GRM7: variants seen among roughly 807,000 people sequenced by gnomAD.
GRM7 encodes glutamate metabotropic receptor 7, also known as metabotropic glutamate receptor 7.
A neutral mutation model predicts 84.5 loss-of-function variants in GRM7; 35 were observed. The observed-to-expected ratio is 0.41, with a 90% CI of 0.32 to 0.55. The LOEUF (loss-of-function observed/expected upper bound fraction) is 0.55. GRM7 is among the 20% of genes least tolerant of loss of function. The probability of loss-of-function intolerance (pLI) is 0.19; values close to 1 mark genes in which losing one functional copy is unlikely to be tolerated. For synonymous variants in GRM7, 487 were observed against 455.1 expected (o/e 1.07, Z -0.89); for missense variants, 1,003 against 1,194.6 (o/e 0.84, Z 2.36).
chr3:7,009,946 G>A (rs1044134572), intron 1 of GRM7, among the ~76,000 whole-genome samples: 1 of 152,162 alleles, frequency 6.6e-6, no homozygotes, highest in African/African-American at 2.4e-5. Context: ...AGTACATTTA[G>A]CAACTTTGAT....
At chr3:7,605,413 G>A (rs1696516069) in intron 8 of GRM7, among the ~76,000 whole-genome samples, 1 of 152,072 alleles carries the variant, frequency 6.6e-6, no homozygotes, top group Non-Finnish European at 1.5e-5. Context: ...TTGATAAAAT[G>A]TCTTTTAGAA....
chr3:7,676,447 TTTAATTAA>T (rs562305638), intron 8 of GRM7, among the ~76,000 whole-genome samples: 8 of 152,310 alleles, frequency 5.3e-5, no homozygotes, highest in African/African-American at 1.9e-4. Context: ...TATTCTTTGT[TTTAATTAA>T]TTAATTAATT....
At position 7,195,744 on chromosome 3, in the gene GRM7, G is replaced by A. The variant is rs972268004; in HGVS notation, c.736+49076G>A. Among the ~76,000 whole-genome samples the A allele has an allele frequency of 5.9e-5, 9 of 152,142 alleles. No homozygotes were observed. In the East Asian group the frequency reaches 1.4e-3, roughly 23 times the overall value. On this transcript the variant is annotated intron_variant, in intron 2 of 9. Transcript: ENST00000357716. ...TAGACTTTGGGGAGGCTGTGAATCC[G>A]GTAGTCCATTTTAGAAGTCCATACT... is the stretch of plus-strand genomic sequence containing the variant.
intron 4 of GRM7, among the ~76,000 whole-genome samples, chr3:7,373,100 G>A (rs911478620): frequency 6.6e-6 from 1 of 152,014 alleles, no homozygotes; most frequent in African/African-American, 2.4e-5. Flanking sequence ...TCTCTTTCAA[G>A]GACACTCAGT....
At position 7,082,063 on chromosome 3, in the gene GRM7, C is replaced by A. The variant is rs138624088; in HGVS notation, c.520-64389C>A. On this transcript the variant is annotated intron_variant, in intron 1 of 9. Transcript: ENST00000357716. ...AGCAGCAGCAATTTATCCAGAAAAC[C>A]TAAGATAATAAAGGAAGATGACGAC... 4.5e-3 allele frequency among the ~76,000 whole-genome samples: 687 copies of A among 152,156 alleles called. 7 individuals carry two copies. Among genetic ancestry groups the A allele is most frequent in the African/African-American group, 0.016 (658 of 41,542 alleles).
At chr3:7,422,444 G>A (rs565820902) in intron 5 of GRM7, among the ~76,000 whole-genome samples, 8 of 152,100 alleles carry the variant, frequency 5.3e-5, no homozygotes, top group Non-Finnish European at 8.8e-5. Flanking sequence ...AGCCACATGT[G>A]CCTAGTGGCA....
chr3:7,613,523 G>A (rs1231498747), intron 8 of GRM7, among the ~76,000 whole-genome samples: 2 of 152,184 alleles, frequency 1.3e-5, no homozygotes, highest in Admixed American at 1.3e-4. Flanking sequence ...GGGCAGGGAA[G>A]TGGAGAAGAA....
chr3:7,631,347 G>A (rs1042312423), intron 8 of GRM7, among the ~76,000 whole-genome samples: 2 of 146,142 alleles, frequency 1.4e-5, no homozygotes, highest in African/African-American at 2.6e-5. Flanking sequence ...TTCAGGAGCC[G>A]CACAGAAGGA....
intron 1 of GRM7, among the ~76,000 whole-genome samples, chr3:7,064,386 C>T (rs1697550062): frequency 6.7e-6 from 1 of 148,468 alleles, no homozygotes; most frequent in African/African-American, 2.5e-5. Context: ...TCTCCAATCG[C>T]ATCCAGGTCG....
At chr3:7,730,415 T>C (rs1702284140) in intron 9 of GRM7, among the ~76,000 whole-genome samples, 1 of 152,204 alleles carries the variant, frequency 6.6e-6, no homozygotes, top group Admixed American at 6.5e-5. Context: ...TACATCCCTA[T>C]TGCCTAAAAC....
chr3:7,315,568 C>A (rs1448897488), intron 4 of GRM7, among the ~76,000 whole-genome samples: 1 of 152,086 alleles, frequency 6.6e-6, no homozygotes. Context: ...CTTCAGGTAG[C>A]CCCCAGACAA....
intron 6 of GRM7, among the ~76,000 whole-genome samples, chr3:7,454,786 C>T (rs75788683): frequency 1.4e-3 from 215 of 152,066 alleles, no homozygotes; most frequent in Non-Finnish European, 2.5e-3. Flanking sequence ...TTTTAATATA[C>T]ATGCAATGGG....
At chr3:6,875,462 C>G (rs1378874793) in intron 1 of GRM7, among the ~76,000 whole-genome samples, 1 of 152,094 alleles carries the variant, frequency 6.6e-6, no homozygotes, top group Admixed American at 6.6e-5. Flanking sequence ...CGAGAGTTCC[C>G]CTGCACAAGC....
At chr3:7,211,588 A>G (rs1696428213) in intron 2 of GRM7, among the ~76,000 whole-genome samples, 2 of 150,036 alleles carry the variant, frequency 1.3e-5, no homozygotes, top group African/African-American at 5.0e-5. Flanking sequence ...TGAATTTTAT[A>G]TAAACCTATT....
intron 8 of GRM7, among the ~76,000 whole-genome samples, chr3:7,652,992 C>A (rs1295324737): frequency 6.6e-6 from 1 of 152,006 alleles, no homozygotes; most frequent in Non-Finnish European, 1.5e-5. Context: ...TAGGGTCTCT[C>A]TGGAATGTCC....
chr3:7,166,335 A>G (rs1694798225), intron 2 of GRM7, among the ~76,000 whole-genome samples: 1 of 152,190 alleles, frequency 6.6e-6, no homozygotes, highest in South Asian at 2.1e-4. Context: ...TTATATACCA[A>G]ATTTAGCCAA....
At chr3:7,065,734 G>T (rs891401094) in intron 1 of GRM7, among the ~76,000 whole-genome samples, 1 of 151,664 alleles carries the variant, frequency 6.6e-6, no homozygotes, top group African/African-American at 2.4e-5. Context: ...AAGAATGATG[G>T]TGGTCTTCAG....
In GRM7 at chr3:7,544,453, G is replaced by C. The variant is rs571935083; in HGVS notation, c.1516-33969G>C. Reference sequence around the variant, plus strand: ...TTATAAATTAGGAGGAGGTAAAGTAGCACCCAACCTGCAGGGCCCTGGGTT... The same window carrying C: ...TTATAAATTAGGAGGAGGTAAAGTACCACCCAACCTGCAGGGCCCTGGGTT... On this transcript the variant is annotated intron_variant, in intron 7 of 9. Transcript: ENST00000357716. 5.9e-5 allele frequency among the ~76,000 whole-genome samples: 9 copies of C among 152,130 alleles called. 1 individual carries two copies. The highest frequency in any genetic ancestry group is 1.2e-4 in the Non-Finnish European group (8 of 68,022).
intron 4 of GRM7, among the ~76,000 whole-genome samples, chr3:7,402,710 C>T (rs1376891042): frequency 2.0e-5 from 3 of 151,728 alleles, no homozygotes; most frequent in Non-Finnish European, 4.4e-5. Flanking sequence ...GTGTCCAAAA[C>T]ATTTCTTCTT....
Sources: allele counts gnomAD v4.1 joint callset (sites outside exome capture counted in the v4.1 genomes callset), GRCh38; gene constraint gnomAD v4.1.1; transcripts MANE v1.5; gene names NCBI Gene and HGNC (gene_info 2026-07-23, HGNC 2026-07-21).